The following LRBA variants were observed in gnomAD, a reference collection of about 807,000 sequenced individuals.
LRBA encodes the protein lipopolysaccharide-responsive and beige-like anchor protein.
In LRBA, 176 loss-of-function variants were observed where a neutral mutation model predicts 330.0. That is an observed-to-expected ratio of 0.53 (90% CI 0.47 to 0.60). LRBA has a LOEUF of 0.60. Among genes scored for constraint, LRBA ranks in the 20% least tolerant of loss-of-function variants. The pLI is 0.00. For synonymous variants in LRBA, 1,230 were observed against 1,193.0 expected (o/e 1.03, Z -0.64); for missense variants, 3,259 against 3,444.8 (o/e 0.95, Z 1.35).
At chr4:150,978,303 T>C (rs1464584759) in intron 2 of LRBA, among the ~76,000 whole-genome samples, 1 of 152,258 alleles carries the variant, frequency 6.6e-6, no homozygotes, top group Non-Finnish European at 1.5e-5. Flanking sequence ...ACCAAGGCAG[T>C]ACCTCTATGA....
chr4:150,756,964 A>G (rs1046538303), intron 35 of LRBA, among the ~76,000 whole-genome samples: 3 of 152,222 alleles, frequency 2.0e-5, no homozygotes, highest in African/African-American at 7.2e-5. Flanking sequence ...GATATCATAA[A>G]ACACTCATAA....
intron 37 of LRBA, among the ~76,000 whole-genome samples, chr4:150,678,846 G>A (rs1782799535): frequency 6.6e-6 from 1 of 152,002 alleles, no homozygotes. Context: ...AATAAGAATG[G>A]GTGTATATTG....
intron 41 of LRBA, among the ~76,000 whole-genome samples, chr4:150,489,567 ATATATAAGAATATATAATATAT>A (rs1216025165): frequency 1.8e-4 from 15 of 81,858 alleles, no homozygotes; most frequent in South Asian, 1.6e-3. Context: ...AATATATATT[ATATATAAGAATATATAATATAT>A]TATATAAGAA....
chr4:150,896,082 G>A (rs921842294), intron 16 of LRBA, among the ~76,000 whole-genome samples: 6 of 152,050 alleles, frequency 3.9e-5, no homozygotes, highest in African/African-American at 9.7e-5. Context: ...AGTCATTTTC[G>A]TAATCTATTT....
intron 28 of LRBA, among the ~76,000 whole-genome samples, chr4:150,833,918 T>G (rs374443458): frequency 1.1e-4 from 16 of 152,238 alleles, no homozygotes; most frequent in African/African-American, 3.6e-4. Flanking sequence ...CTAAATCCTT[T>G]GTTATCATTT....
At chr4:150,937,774 A>C (rs1043650589) in intron 2 of LRBA, among the ~76,000 whole-genome samples, 1 of 152,182 alleles carries the variant, frequency 6.6e-6, no homozygotes, top group African/African-American at 2.4e-5. Flanking sequence ...ATAAACCTTT[A>C]TAAGTTTTGT....
At chr4:150,834,577 G>A (rs766817942) in intron 28 of LRBA, among the ~76,000 whole-genome samples, 5 of 152,154 alleles carry the variant, frequency 3.3e-5, no homozygotes, top group Admixed American at 2.0e-4. Flanking sequence ...AAGCCATGTC[G>A]TAAGCAGATG....
At chr4:150,599,406 G>C (rs2126512181) in intron 37 of LRBA, among the ~76,000 whole-genome samples, 1 of 152,270 alleles carries the variant, frequency 6.6e-6, no homozygotes, top group Admixed American at 6.5e-5. Context: ...ATTGCTGACA[G>C]TGTGATCAGT....
At chr4:150,449,172 C>G (rs1264682576) in intron 44 of LRBA, among the ~76,000 whole-genome samples, 1 of 151,990 alleles carries the variant, frequency 6.6e-6, no homozygotes, top group Non-Finnish European at 1.5e-5. Context: ...AGAGTACGAG[C>G]AAAACTAATC....
At chr4:150,924,710 C>A (rs1047417915) in intron 4 of LRBA, among the ~76,000 whole-genome samples, 2 of 152,084 alleles carry the variant, frequency 1.3e-5, no homozygotes, top group East Asian at 3.9e-4. Context: ...AAATAATATG[C>A]CTAATATTAA....
At chr4:150,299,069 C>T (rs1729326581) in intron 53 of LRBA, among the ~76,000 whole-genome samples, 2 of 152,040 alleles carry the variant, frequency 1.3e-5, no homozygotes, top group East Asian at 3.9e-4. Context: ...ATGGAATGCA[C>T]TGGGGAACAT....
Position 150,897,817 on chromosome 4 carries a change from A to G in LRBA, c.1926T>C (p.Asp642=), listed in dbSNP as rs746594467. The G allele has an allele frequency of 6.2e-7, 1 of 1,607,472 alleles. No homozygotes were observed. Among genetic ancestry groups the G allele is most frequent in the African/African-American group, 1.3e-5 (1 of 74,878 alleles). ...DRSGITPKGL[D]GPRPNQKEML... ...TTTCTTTTTGATTAGGTCGCGGTCC[A>G]TCTTTTAAAAAAATATACACATACA... is the stretch of plus-strand genomic sequence containing the variant. Residue 642 remains aspartate, a splice_region_variant and synonymous_variant, in exon 15 of 57, where the codon GAT becomes GAC. Coordinates refer to ENST00000651943, the MANE Select transcript of LRBA (RefSeq NM_001364905.1).
At chr4:150,276,080 CAG>C (rs949371482) in intron 56 of LRBA, among the ~76,000 whole-genome samples, 50 of 152,304 alleles carry the variant, frequency 3.3e-4, no homozygotes, top group African/African-American at 1.1e-3. Context: ...GGTACCAAAA[CAG>C]ATATATAGAC....
At chr4:150,893,201 T>C (rs1266782013) in intron 16 of LRBA, 52 bp from the exon 17 acceptor site, 3 of 930,708 alleles carry the variant, frequency 3.2e-6, no homozygotes. Context: ...AACAACTTAG[T>C]TGAATAATGA....
chr4:150,491,125 T>C (rs925253113), intron 40 of LRBA, 90 bp from the exon 41 acceptor site: 12 of 526,810 alleles, frequency 2.3e-5, no homozygotes, highest in Non-Finnish European at 4.0e-5. Context: ...AAGACCCTAT[T>C]AAGAAAAATA....
At chr4:150,302,855 A>T (rs998372790) in intron 52 of LRBA, 63 bp from the exon 53 acceptor site, 19 of 1,255,302 alleles carry the variant, frequency 1.5e-5, no homozygotes, top group Non-Finnish European at 1.9e-5. Context: ...TAGTGAACAG[A>T]TAACTTGTAA....
intron 43 of LRBA, among the ~76,000 whole-genome samples, chr4:150,468,090 A>G (rs1755652509): frequency 6.6e-6 from 1 of 152,038 alleles, no homozygotes; most frequent in Admixed American, 6.6e-5. Context: ...TTTAAACTAC[A>G]TTTGATAATT....
chr4:150,432,453 C>CTTT (rs35393002), intron 46 of LRBA, among the ~76,000 whole-genome samples: 8,107 of 97,696 alleles, frequency 0.083, 1,535 homozygotes, highest in Non-Finnish European at 0.1. Context: ...TAAGTGTGTT[C>CTTT]TTTTTTTTTT....
In LRBA at chr4:150,264,475, G is replaced by GATT. The variant is rs1745061235; in HGVS notation, c.*1246_*1247insAAT. The GATT allele has an allele frequency of 6.6e-6, 1 of 151,888 alleles. No individual in the cohort carries two copies. The highest frequency in any genetic ancestry group is 2.4e-5 in the African/African-American group (1 of 41,350). The allele number at this position is 151,888 out of a possible 1,614,324, so 9.4% of individuals were successfully genotyped here. ...CTTTGTGAATCATTATTTTATTAAT[G>GATT]ATGTTTAAAATTTAGGAGCAAAAAA... On this transcript the variant is annotated 3_prime_UTR_variant, in exon 57 of 57. Transcript: ENST00000651943.
Sources: allele counts gnomAD v4.1 joint callset (sites outside exome capture counted in the v4.1 genomes callset), GRCh38; gene constraint gnomAD v4.1.1; transcripts MANE v1.5; gene names NCBI Gene and HGNC (gene_info 2026-07-23, HGNC 2026-07-21).